The following ZNF385D variants were observed in gnomAD, a reference collection of about 807,000 sequenced individuals.
ZNF385D encodes the protein zinc finger protein 659.
In ZNF385D, 15 loss-of-function variants were observed where a neutral mutation model predicts 35.8. The ratio of observed to expected loss-of-function variants is 0.42; its 90% CI spans 0.28 to 0.64. The LOEUF is 0.64. Ranked by LOEUF, ZNF385D falls within the 30% of genes least tolerant of loss-of-function variation. ZNF385D has a pLI of 0.23. For missense variants in ZNF385D, 474 were observed against 494.6 expected (o/e 0.96, Z 0.39); for synonymous variants, 212 against 186.8 (o/e 1.13, Z -1.10).
At chr3:22,108,898 G>C (rs1702365355) in intron 3 of ZNF385D, among the ~76,000 whole-genome samples, 1 of 152,084 alleles carries the variant, frequency 6.6e-6, no homozygotes, top group Non-Finnish European at 1.5e-5. Context: ...TGTAGTCCCT[G>C]CTACTTGGAA....
At chr3:21,812,075 A>C (rs1018388939) in intron 3 of ZNF385D, among the ~76,000 whole-genome samples, 2 of 152,250 alleles carry the variant, frequency 1.3e-5, no homozygotes, top group Non-Finnish European at 2.9e-5. Flanking sequence ...CAAGGAATTT[A>C]AGAGGAAGTT....
intron 1 of ZNF385D, among the ~76,000 whole-genome samples, chr3:21,733,176 G>A (rs2069094161): frequency 6.6e-6 from 1 of 151,004 alleles, no homozygotes. Context: ...TTGCTCTTTT[G>A]TCAAAGACCA....
intron 2 of ZNF385D, among the ~76,000 whole-genome samples, chr3:22,354,908 T>C (rs1167892686): frequency 6.6e-6 from 1 of 152,056 alleles, no homozygotes; most frequent in Non-Finnish European, 1.5e-5. Context: ...AATAGCCACG[T>C]GTCACTCATG....
intron 2 of ZNF385D, among the ~76,000 whole-genome samples, chr3:22,243,485 A>C (rs965927368): frequency 1.3e-5 from 2 of 151,108 alleles, no homozygotes; most frequent in Admixed American, 6.6e-5. Flanking sequence ...TATAGCAACG[A>C]GAAGCTACTA....
intron 3 of ZNF385D, 67 bp from the exon 4 acceptor site, chr3:21,511,090 T>C: frequency 1.3e-6 from 2 of 1,568,244 alleles, no homozygotes; most frequent in Non-Finnish European, 1.7e-6. Context: ...TCTGTATTAC[T>C]GCAAATACAG....
intron 1 of ZNF385D, among the ~76,000 whole-genome samples, chr3:21,737,462 T>TAC (rs1023904946): frequency 3.2e-5 from 4 of 124,200 alleles, no homozygotes; most frequent in South Asian, 2.3e-4. Context: ...GAGGGGGATA[T>TAC]ATATACACAC....
intron 4 of ZNF385D, among the ~76,000 whole-genome samples, chr3:21,508,791 C>A (rs200317536): frequency 6.6e-6 from 1 of 152,128 alleles, no homozygotes; most frequent in Non-Finnish European, 1.5e-5. Context: ...GACTTCCATT[C>A]TTTGGAATCT....
At chr3:21,810,151 TAAC>T (rs1485448716) in intron 3 of ZNF385D, among the ~76,000 whole-genome samples, 2 of 150,236 alleles carry the variant, frequency 1.3e-5, no homozygotes, top group Non-Finnish European at 3.0e-5. Flanking sequence ...AATAAAATAT[TAAC>T]AAATCAAATC....
In ZNF385D at chr3:21,642,756, T is replaced by C. The variant is rs114826017; in HGVS notation, c.165+22130A>G. On this transcript the variant is annotated intron_variant, in intron 2 of 7. Coordinates refer to ENST00000281523, the MANE Select transcript of ZNF385D (RefSeq NM_024697.3). ...TTATACTGTGCATACAATGGAATAT[T>C]ATTAAGTCTTTAAAATGAAAGAAAT... Among the ~76,000 whole-genome samples, 433 of 152,238 alleles carry C rather than the reference T, an allele frequency of 2.8e-3. 1 individual carries two copies. Among genetic ancestry groups the C allele is most frequent in the African/African-American group, 0.01 (421 of 41,550 alleles).
At chr3:21,584,148 A>G (rs948700901) in intron 2 of ZNF385D, among the ~76,000 whole-genome samples, 2 of 151,420 alleles carry the variant, frequency 1.3e-5, no homozygotes, top group Non-Finnish European at 2.9e-5. Context: ...TAATTTTTGT[A>G]TTTTTACTAT....
At chr3:21,967,695 A>T (rs1427422010) in intron 3 of ZNF385D, among the ~76,000 whole-genome samples, 1 of 152,214 alleles carries the variant, frequency 6.6e-6, no homozygotes, top group Non-Finnish European at 1.5e-5. Flanking sequence ...CAGTGTTTGC[A>T]CAGGGCTGGG....
chr3:22,007,971 G>T (rs1404645890), intron 3 of ZNF385D, among the ~76,000 whole-genome samples: 1 of 151,898 alleles, frequency 6.6e-6, no homozygotes, highest in Non-Finnish European at 1.5e-5. Context: ...ATGTACAAAT[G>T]AGTTGAGCCA....
At chr3:21,429,292 T>G (rs2125212157) in intron 5 of ZNF385D, among the ~76,000 whole-genome samples, 1 of 152,208 alleles carries the variant, frequency 6.6e-6, no homozygotes, top group African/African-American at 2.4e-5. Flanking sequence ...TCTTTTATAT[T>G]CTATTTGTAC....
intron 2 of ZNF385D, among the ~76,000 whole-genome samples, chr3:21,614,705 C>T (rs1250467127): frequency 6.6e-6 from 1 of 152,246 alleles, no homozygotes. Context: ...TCTCCTGCCT[C>T]AGCCTCCCAG....
intron 3 of ZNF385D, among the ~76,000 whole-genome samples, chr3:21,840,915 T>C (rs1695631432): frequency 6.6e-6 from 1 of 152,052 alleles, no homozygotes; most frequent in Non-Finnish European, 1.5e-5. Flanking sequence ...TAAATGTCTA[T>C]GACTGAGACC....
rs559000956 is a variant in ZNF385D at position 21,668,441 on chromosome 3, G to A, written c.23-3413C>T. ...CTCTTCCCAATCCTATATCCCTCAC[G>A]TCTCACAAATGATGTTTCCATGAGC... On this transcript the variant is annotated intron_variant, in intron 1 of 7. Transcript: ENST00000281523. 1.2e-4 allele frequency among the ~76,000 whole-genome samples: 18 copies of A among 152,170 alleles called. No homozygotes were observed. The East Asian group carries it at 1.7e-3, about 15-fold the overall frequency.
At chr3:21,918,094 A>C (rs1025061194) in intron 3 of ZNF385D, among the ~76,000 whole-genome samples, 1 of 152,216 alleles carries the variant, frequency 6.6e-6, no homozygotes, top group African/African-American at 2.4e-5. Context: ...ATGCTTCTCA[A>C]TGTGTTTTAA....
intron 3 of ZNF385D, among the ~76,000 whole-genome samples, chr3:21,878,393 A>T (rs1698092551): frequency 6.6e-6 from 1 of 152,054 alleles, no homozygotes; most frequent in South Asian, 2.1e-4. Flanking sequence ...CCCTACTATC[A>T]GTTTCATGAG....
intron 3 of ZNF385D, among the ~76,000 whole-genome samples, chr3:22,032,355 G>T (rs1023175853): frequency 6.6e-6 from 1 of 152,168 alleles, no homozygotes; most frequent in Non-Finnish European, 1.5e-5. Context: ...AAGGCAGCAG[G>T]AGAGAGAAGA....
Sources: gnomAD v4.1 joint callset for allele counts (sites outside exome capture counted in the v4.1 genomes callset) on GRCh38, gnomAD v4.1.1 for gene constraint, MANE v1.5 for transcripts, NCBI Gene and HGNC (gene_info 2026-07-23, HGNC 2026-07-21) for gene names.